Variants in TENM3 observed in about 807,000 individuals in gnomAD.
TENM3 encodes teneurin-3.
Under a neutral mutation model 255.1 loss-of-function variants are expected in TENM3, and 63 were observed. The ratio of observed to expected loss-of-function variants is 0.25; its 90% CI spans 0.20 to 0.30. The LOEUF is 0.30. Ranked by LOEUF, TENM3 falls within the 10% of genes least tolerant of loss-of-function variation. The probability of loss-of-function intolerance (pLI) is 1.00; values close to 1 mark genes in which losing one functional copy is unlikely to be tolerated. For synonymous variants in TENM3, 1,306 were observed against 1,322.3 expected, an observed-to-expected ratio of 0.99 and a Z score of 0.27; for missense variants, 2,929 against 3,461.1, an observed-to-expected ratio of 0.85 and a Z score of 3.86.
the TENM3 span, among the ~76,000 whole-genome samples, chr4:181,614,013 A>G: frequency 9.3e-6 from 1 of 108,018 alleles, no homozygotes; most frequent in African/African-American, 2.9e-5. Flanking sequence ...TTTGGAAAGC[A>G]TAGTTATTTT....
chr4:181,512,284 G>C, the TENM3 span, among the ~76,000 whole-genome samples: 1 of 152,066 alleles, frequency 6.6e-6, no homozygotes, highest in Non-Finnish European at 1.5e-5. Flanking sequence ...TTCTCTTCTA[G>C]AACAGTCTAC....
chr4:182,763,868 A>G (rs1234819979), intron 22 of TENM3, among the ~76,000 whole-genome samples: 1 of 152,224 alleles, frequency 6.6e-6, no homozygotes, highest in Non-Finnish European at 1.5e-5. Flanking sequence ...GAGAAATGTT[A>G]TGCCCAGGAA....
intron 13 of TENM3, 98 bp downstream of exon 13, chr4:182,714,331 A>G (rs1413973169): frequency 2.0e-6 from 2 of 989,296 alleles, no homozygotes; most frequent in Middle Eastern, 3.2e-4. Flanking sequence ...AAAAAAAAAA[A>G]AAAAAAAACC....
intron 1 of TENM3, among the ~76,000 whole-genome samples, chr4:182,266,889 G>A (rs1759277949): frequency 2.0e-5 from 3 of 152,072 alleles, no homozygotes; most frequent in Admixed American, 2.0e-4. Context: ...CTTTAATAGT[G>A]GCTGTCCTAA....
chr4:182,083,347 A>T, the TENM3 span, among the ~76,000 whole-genome samples: 1 of 152,184 alleles, frequency 6.6e-6, no homozygotes, highest in Admixed American at 6.5e-5. Context: ...TTAGGCAGAC[A>T]TTTCCCTGGT....
the TENM3 span, among the ~76,000 whole-genome samples, chr4:181,839,384 T>TATATATACACAC: frequency 8.6e-4 from 72 of 83,436 alleles, 4 homozygotes; most frequent in East Asian, 5.6e-3. Context: ...TATATATATA[T>TATATATACACAC]ACACCTATAT....
chr4:181,524,013 C>G, the TENM3 span, among the ~76,000 whole-genome samples: 1 of 152,114 alleles, frequency 6.6e-6, no homozygotes, highest in East Asian at 1.9e-4. Context: ...CTCCATCTTA[C>G]ACTCACAGAA....
intron 18 of TENM3, among the ~76,000 whole-genome samples, chr4:182,740,454 G>C (rs1280305268): frequency 6.6e-6 from 1 of 152,232 alleles, no homozygotes; most frequent in African/African-American, 2.4e-5. Context: ...TGCTCTTGAT[G>C]AAATTGTGTA....
the TENM3 span, among the ~76,000 whole-genome samples, chr4:182,043,808 G>A: frequency 2.0e-5 from 3 of 152,208 alleles, no homozygotes; most frequent in South Asian, 2.1e-4. Context: ...TTGGCTCTCC[G>A]AAGCCCATTG....
chr4:182,293,176 G>GGAT, intron 1 of TENM3, among the ~76,000 whole-genome samples: 1 of 152,294 alleles, frequency 6.6e-6, no homozygotes, highest in South Asian at 2.1e-4. Context: ...AATTCTTCTA[G>GGAT]GATGACGTAA....
At chr4:182,567,162 G>C (rs1023636821) in intron 3 of TENM3, among the ~76,000 whole-genome samples, 1 of 152,126 alleles carries the variant, frequency 6.6e-6, no homozygotes, top group Non-Finnish European at 1.5e-5. Context: ...TTTAAGATTT[G>C]TTTACCTTTT....
rs144534740 is a variant in TENM3, at chr4:182,192,772, T to C, written c.-76+48018T>C. Among the ~76,000 whole-genome samples the C allele has an allele frequency of 2.3e-3, 353 of 152,296 alleles. 2 individuals are homozygous for C. Among genetic ancestry groups the C allele is most frequent in the African/African-American group, 8.1e-3 (338 of 41,566 alleles). On this transcript the variant is annotated intron_variant, in intron 1 of 2. Coordinates refer to the TENM3 transcript ENST00000512480. ...CAATCTAAATTGCATCTGGTGTGTA[T>C]GTAGGGGTTGAACAACTGCTTTGTG...
intron 1 of TENM3, among the ~76,000 whole-genome samples, chr4:182,287,872 C>G (rs561480537): frequency 6.6e-6 from 1 of 152,156 alleles, no homozygotes; most frequent in East Asian, 1.9e-4. Flanking sequence ...CCACCTCACC[C>G]TCCCAAAGTG....
chr4:182,596,666 C>G (rs754511532), intron 3 of TENM3, among the ~76,000 whole-genome samples: 1 of 152,074 alleles, frequency 6.6e-6, no homozygotes, highest in African/African-American at 2.4e-5. Context: ...AAGGAATATG[C>G]GAAGAGGACA....
At chr4:181,469,062 T>C in the TENM3 span, among the ~76,000 whole-genome samples, 2 of 152,192 alleles carry the variant, frequency 1.3e-5, no homozygotes, top group Admixed American at 6.5e-5. Flanking sequence ...CTGCAGGTGT[T>C]AGAGAGCTAA....
At chr4:181,499,706 T>G in the TENM3 span, among the ~76,000 whole-genome samples, 2 of 152,042 alleles carry the variant, frequency 1.3e-5, no homozygotes, top group Non-Finnish European at 2.9e-5. Flanking sequence ...CTGGGTGGGG[T>G]AAAGGGATGT....
At chr4:181,482,949 T>C in the TENM3 span, among the ~76,000 whole-genome samples, 1 of 152,142 alleles carries the variant, frequency 6.6e-6, no homozygotes, top group African/African-American at 2.4e-5. Flanking sequence ...ATTCCACCTT[T>C]TGTGCCACGA....
intron 1 of TENM3, among the ~76,000 whole-genome samples, chr4:182,216,354 T>C (rs1755465008): frequency 6.6e-6 from 1 of 152,274 alleles, no homozygotes; most frequent in South Asian, 2.1e-4. Context: ...TGTAGCCTAA[T>C]TTCGGCTCGT....
intron 3 of TENM3, among the ~76,000 whole-genome samples, chr4:182,516,667 G>T (rs192771019): frequency 1.3e-5 from 2 of 152,144 alleles, no homozygotes; most frequent in Admixed American, 1.3e-4. Context: ...GAGGCGAGTG[G>T]ATCACTTTAG....
Sources: gnomAD v4.1 joint callset for allele counts (sites outside exome capture counted in the v4.1 genomes callset) on GRCh38, gnomAD v4.1.1 for gene constraint, MANE v1.5 for transcripts, NCBI Gene and HGNC (gene_info 2026-07-23, HGNC 2026-07-21) for gene names.